IGSF10: variants seen among roughly 807,000 people sequenced by gnomAD.
The protein encoded by IGSF10 is calvaria mechanical force protein 608.
In IGSF10, 126 loss-of-function variants were observed where a neutral mutation model predicts 128.2. The observed-to-expected ratio is 0.98, with a 90% CI of 0.85 to 1.14. IGSF10 has a LOEUF of 1.14. Ranked by LOEUF, IGSF10 falls within the 50% of genes most tolerant of loss-of-function variation. The probability of loss-of-function intolerance (pLI) is 0.00; values close to 1 mark genes in which losing one functional copy is unlikely to be tolerated. For synonymous variants in IGSF10, 1,185 were observed against 1,146.2 expected (o/e 1.03, Z -0.68); for missense variants, 3,295 against 3,149.8 (o/e 1.05, Z -1.10).
At chr3:151,578,118 T>C in the IGSF10 span, among the ~76,000 whole-genome samples, 1 of 152,230 alleles carries the variant, frequency 6.6e-6, no homozygotes, top group Non-Finnish European at 1.5e-5. Flanking sequence ...CATAATTTTC[T>C]GGAAAAGTTG....
At chr3:151,463,440 T>A (rs1456347965), upstream of IGSF10, among the ~76,000 whole-genome samples, 1 of 151,412 alleles carries the variant, frequency 6.6e-6, no homozygotes, top group East Asian at 1.9e-4. Flanking sequence ...GGATAAAGAA[T>A]GCTAAATGAT....
the IGSF10 span, among the ~76,000 whole-genome samples, chr3:151,618,208 A>T: frequency 6.6e-6 from 1 of 152,184 alleles, no homozygotes. Context: ...GTTGGCCATC[A>T]GCAAACCAGG....
the IGSF10 span, among the ~76,000 whole-genome samples, chr3:151,526,660 A>C: frequency 6.6e-6 from 1 of 151,946 alleles, no homozygotes; most frequent in Non-Finnish European, 1.5e-5. Flanking sequence ...AAAAAATTTA[A>C]ATTTCTTTCC....
chr3:151,518,217 G>A, the IGSF10 span, among the ~76,000 whole-genome samples: 578 of 152,048 alleles, frequency 3.8e-3, 1 homozygote, highest in Non-Finnish European at 6.6e-3. Context: ...GGCCAAAGGT[G>A]GCCAACTGTT....
At position 151,437,784 on chromosome 3, in the gene IGSF10, A is replaced by T; in HGVS notation, c.6777T>A (p.Phe2259Leu). 1.9e-6 allele frequency: 3 copies of T among 1,613,866 alleles called. No homozygotes were observed. Among genetic ancestry groups the T allele is most frequent in the Non-Finnish European group, 2.5e-6 (3 of 1,179,958 alleles). ...ATGGTGTCCCTTCAGCTCTGCAGTC[A>T]AAGTGTTTTTTGGAATGTCTCACAG... The part of the protein sequence containing the change: ...ATAVRHSKKH[F>L]DCRAEGTPSP... The change falls in exon 8 of 8, where the codon TTT becomes TTA. Residue 2259 changes from phenylalanine (F) to leucine (L), a missense_variant. Transcript: ENST00000282466.
chr3:151,460,972 C>A lies in IGSF10; in HGVS notation c.-115G>T. ...TGTTTGCCCTGGTGACCAATGGGCT[C>A]GAGCTGCCCGGGCTAGGTCCCGGGC... is the stretch of plus-strand genomic sequence containing the variant. On this transcript the variant is annotated 5_prime_UTR_variant, in exon 1 of 8. Coordinates refer to ENST00000282466, the MANE Select transcript of IGSF10 (RefSeq NM_178822.5). 1 of 985,352 alleles carries A rather than the reference C, an allele frequency of 1.0e-6. No individual in the cohort carries two copies. The highest frequency in any genetic ancestry group is 1.2e-6 in the Non-Finnish European group (1 of 829,920). 61.0% of individuals were successfully genotyped at this position (985,352 alleles called of 1,614,324 possible).
intron 7 of IGSF10, among the ~76,000 whole-genome samples, chr3:151,439,602 G>C (rs1720714012): frequency 1.3e-5 from 2 of 152,172 alleles, no homozygotes; most frequent in African/African-American, 4.8e-5. Context: ...TGACAAAAAT[G>C]AAACTGTTTT....
chr3:151,583,518 T>C, the IGSF10 span, among the ~76,000 whole-genome samples: 648 of 152,278 alleles, frequency 4.3e-3, 1 homozygote, highest in African/African-American at 0.014. Context: ...TAGGTGGGAA[T>C]TGAGCAATGA....
the IGSF10 span, among the ~76,000 whole-genome samples, chr3:151,556,573 G>GA: frequency 2.8e-4 from 43 of 152,094 alleles, no homozygotes; most frequent in Non-Finnish European, 4.6e-4. Flanking sequence ...GAAGGGAAAA[G>GA]AAGAGAGTAA....
At chr3:151,538,312 A>G in the IGSF10 span, among the ~76,000 whole-genome samples, 1 of 152,186 alleles carries the variant, frequency 6.6e-6, no homozygotes, top group East Asian at 1.9e-4. Flanking sequence ...TATTTCTTTA[A>G]TTATTAACTA....
the IGSF10 span, among the ~76,000 whole-genome samples, chr3:151,610,338 G>A: frequency 2.4e-4 from 37 of 152,230 alleles, 1 homozygote; most frequent in South Asian, 7.7e-3. Context: ...TAGGCCACCG[G>A]TTTTCCTTGT....
At chr3:151,569,288 T>C in the IGSF10 span, among the ~76,000 whole-genome samples, 1 of 152,174 alleles carries the variant, frequency 6.6e-6, no homozygotes, top group African/African-American at 2.4e-5. Flanking sequence ...GCCAGGCTGG[T>C]CTTGAACCCC....
chr3:151,534,796 AGTGTATGTGTGTGTGTGT>A, the IGSF10 span, among the ~76,000 whole-genome samples: 1 of 129,350 alleles, frequency 7.7e-6, no homozygotes, highest in Admixed American at 8.2e-5. Context: ...CAGAATTTAA[AGTGTATGTGTGTGTGTGT>A]GTGTGTGTGT....
At chr3:151,547,159 T>A in the IGSF10 span, among the ~76,000 whole-genome samples, 1 of 152,144 alleles carries the variant, frequency 6.6e-6, no homozygotes, top group Non-Finnish European at 1.5e-5. Context: ...CTTTCTACCA[T>A]GAAAAATAAG....
chr3:151,576,094 T>C, the IGSF10 span, among the ~76,000 whole-genome samples: 1 of 151,988 alleles, frequency 6.6e-6, no homozygotes, highest in African/African-American at 2.4e-5. Flanking sequence ...GTTGGTCTAT[T>C]ATTATTAGTT....
At chr3:151,567,108 C>T in the IGSF10 span, among the ~76,000 whole-genome samples, 1 of 152,130 alleles carries the variant, frequency 6.6e-6, no homozygotes, top group Non-Finnish European at 1.5e-5. Flanking sequence ...TAGACTTGGG[C>T]CCTGGGCATT....
At chr3:151,583,001 T>C in the IGSF10 span, among the ~76,000 whole-genome samples, 1 of 152,182 alleles carries the variant, frequency 6.6e-6, no homozygotes, top group Non-Finnish European at 1.5e-5. Flanking sequence ...TTCTTACCCG[T>C]GGTCTTGCAT....
At chr3:151,547,100 GTTTATA>G in the IGSF10 span, among the ~76,000 whole-genome samples, 1 of 151,932 alleles carries the variant, frequency 6.6e-6, no homozygotes. Flanking sequence ...TAAATAATAT[GTTTATA>G]TTGCTTCTTC....
the IGSF10 span, among the ~76,000 whole-genome samples, chr3:151,527,956 G>GA: frequency 0.47 from 71,238 of 151,658 alleles, 17,288 homozygotes; most frequent in South Asian, 0.58. Flanking sequence ...CTGTCTTGAA[G>GA]AAAAAAATTG....
Sources: gnomAD v4.1 joint callset for allele counts (sites outside exome capture counted in the v4.1 genomes callset) on GRCh38, gnomAD v4.1.1 for gene constraint, MANE v1.5 for transcripts, NCBI Gene and HGNC (gene_info 2026-07-23, HGNC 2026-07-21) for gene names.